ZNF804B: variants seen among roughly 807,000 people sequenced by gnomAD.
ZNF804B encodes zinc finger protein 804B.
A neutral mutation model predicts 101.4 loss-of-function variants in ZNF804B; 80 were observed. The observed-to-expected ratio is 0.79, with a 90% confidence interval of 0.66 to 0.95. The LOEUF is 0.95. Among genes scored for constraint, ZNF804B ranks in the 40% least tolerant of loss-of-function variants. The probability of loss-of-function intolerance (pLI) is 0.00; values close to 1 mark genes in which losing one functional copy is unlikely to be tolerated. For synonymous variants in ZNF804B, 622 were observed against 558.8 expected, an observed-to-expected ratio of 1.11 and a Z score of -1.59; for missense variants, 1,673 against 1,561.9, an observed-to-expected ratio of 1.07 and a Z score of -1.20.
In ZNF804B at chr7:88,910,780, C is replaced by A. The variant is rs189225388; in HGVS notation, c.108+150696C>A. 6.6e-5 allele frequency among the ~76,000 whole-genome samples: 10 copies of A among 151,888 alleles called. No individual in the cohort carries two copies. The East Asian group carries it at 1.7e-3, about 26-fold the overall frequency. On this transcript the variant is annotated intron_variant, in intron 1 of 3. Transcript: ENST00000333190. ...TCCAATGCAAGCGTGATTGAAGAAT[C>A]GTAAGGGAAGATGTTCTGCAAAATG...
chr7:88,990,342 A>G (rs1793827640), intron 1 of ZNF804B, among the ~76,000 whole-genome samples: 1 of 151,984 alleles, frequency 6.6e-6, no homozygotes, highest in African/African-American at 2.4e-5. Flanking sequence ...ATCCTTTTCC[A>G]AATTTAGTTT....
chr7:88,791,638 T>TG (rs1458045938), intron 1 of ZNF804B, among the ~76,000 whole-genome samples: 3 of 152,098 alleles, frequency 2.0e-5, no homozygotes, highest in African/African-American at 7.2e-5. Context: ...TATTGCTACT[T>TG]GTACACCCAG....
intron 1 of ZNF804B, among the ~76,000 whole-genome samples, chr7:88,875,099 C>T (rs1272309651): frequency 7.4e-6 from 1 of 134,990 alleles, no homozygotes; most frequent in South Asian, 2.5e-4. Flanking sequence ...TAAAGATGTT[C>T]TTTGAAACCA....
At chr7:89,268,343 G>T (rs573785092) in intron 2 of ZNF804B, among the ~76,000 whole-genome samples, 2 of 152,046 alleles carry the variant, frequency 1.3e-5, no homozygotes, top group East Asian at 1.9e-4. Flanking sequence ...AAAACATCTA[G>T]GGAAGTCAGT....
chr7:88,910,409 A>G (rs1478906056), intron 1 of ZNF804B, among the ~76,000 whole-genome samples: 1 of 151,934 alleles, frequency 6.6e-6, no homozygotes, highest in East Asian at 1.9e-4. Flanking sequence ...GTTCCCTAAG[A>G]AAGGTAATTA....
rs148078165 is a variant in ZNF804B at position 88,958,960 on chromosome 7, G to A, written c.108+198876G>A. ...CTCCGAAAGTGGAATCTTTGTTCCTGTATAGACATGTAGTATTCTTTCAAG... is the reference window on the plus strand; with the variant it reads ...CTCCGAAAGTGGAATCTTTGTTCCTATATAGACATGTAGTATTCTTTCAAG... On this transcript the variant is annotated intron_variant, in intron 1 of 3. Coordinates refer to ENST00000333190, the MANE Select transcript of ZNF804B (RefSeq NM_181646.5). Among the ~76,000 whole-genome samples the A allele has an allele frequency of 1.4e-3, 214 of 151,550 alleles. 1 individual carries two copies. The highest frequency in any genetic ancestry group is 2.6e-3 in the Non-Finnish European group (177 of 67,630).
chr7:89,117,193 T>C (rs1266803684), intron 1 of ZNF804B, among the ~76,000 whole-genome samples: 1 of 152,210 alleles, frequency 6.6e-6, no homozygotes, highest in Non-Finnish European at 1.5e-5. Flanking sequence ...AAGTCAATTT[T>C]GGCCAAGTGA....
chr7:89,202,270 A>G (rs1387107064), intron 1 of ZNF804B, among the ~76,000 whole-genome samples: 1 of 152,034 alleles, frequency 6.6e-6, no homozygotes, highest in African/African-American at 2.4e-5. Context: ...CATCCCTCCT[A>G]TATCAGAGAA....
At chr7:89,157,989 G>T (rs6973316) in intron 1 of ZNF804B, among the ~76,000 whole-genome samples, 31,059 of 152,062 alleles carry the variant, frequency 0.2, 3,384 homozygotes, top group Middle Eastern at 0.39. Flanking sequence ...TTATTGTAAA[G>T]TAATAGCCTA....
chr7:89,114,014 A>G (rs1358590221), intron 1 of ZNF804B, among the ~76,000 whole-genome samples: 1 of 152,172 alleles, frequency 6.6e-6, no homozygotes, highest in Non-Finnish European at 1.5e-5. Context: ...AAACTGGACA[A>G]GACACTTTTC....
chr7:89,110,483 T>G (rs1790200733), intron 1 of ZNF804B, among the ~76,000 whole-genome samples: 1 of 152,130 alleles, frequency 6.6e-6, no homozygotes, highest in Non-Finnish European at 1.5e-5. Context: ...ACAAAGGGAG[T>G]GTCAGCATGA....
rs149098876 is a variant in ZNF804B at position 89,030,006 on chromosome 7, T to C, written c.109-188149T>C. Among the ~76,000 whole-genome samples the C allele has an allele frequency of 3.7e-3, 564 of 152,292 alleles. 4 individuals carry two copies. The highest frequency in any genetic ancestry group is 0.013 in the African/African-American group (528 of 41,570). On this transcript the variant is annotated intron_variant, in intron 1 of 3. Coordinates refer to ENST00000333190, the MANE Select transcript of ZNF804B (RefSeq NM_181646.5). ...TAAATATATCAGGGTTGTGGTTACGTTACCAGCTGCAAGCATTAGTCATGA... is the reference window on the plus strand; with the variant it reads ...TAAATATATCAGGGTTGTGGTTACGCTACCAGCTGCAAGCATTAGTCATGA...
At chr7:88,903,016 C>T in intron 1 of ZNF804B, among the ~76,000 whole-genome samples, 1 of 151,882 alleles carries the variant, frequency 6.6e-6, no homozygotes, top group Admixed American at 6.6e-5. Context: ...TTGCATGATG[C>T]TGAGGTTTAA....
intron 1 of ZNF804B, among the ~76,000 whole-genome samples, chr7:89,053,494 C>T (rs981524076): frequency 9.9e-5 from 15 of 152,064 alleles, no homozygotes; most frequent in African/African-American, 3.4e-4. Flanking sequence ...ATAATATCAA[C>T]ATTAAAAGTA....
rs1336996797 is a variant in ZNF804B at position 88,831,891 on chromosome 7, T to C, written c.108+71807T>C. ...TTTGTCTCCATGTTGCCTTTTAAAA[T>C]TTTGTTTCTGCTCTTTTTGTTCTAT... On this transcript the variant is annotated intron_variant, in intron 1 of 3. Transcript: ENST00000333190. Among the ~76,000 whole-genome samples, 3 of 151,960 alleles carry C rather than the reference T, an allele frequency of 2.0e-5. No homozygotes were observed. In the East Asian group the frequency reaches 5.8e-4, roughly 29 times the overall value.
intron 1 of ZNF804B, among the ~76,000 whole-genome samples, chr7:89,161,541 C>T (rs1343431958): frequency 6.6e-6 from 1 of 151,766 alleles, no homozygotes. Context: ...AGGTAATGTT[C>T]TGTTGGCTTC....
chr7:88,972,470 G>A (rs552227122), intron 1 of ZNF804B, among the ~76,000 whole-genome samples: 1 of 151,240 alleles, frequency 6.6e-6, no homozygotes, highest in Non-Finnish European at 1.5e-5. Flanking sequence ...TCCCTGCCAG[G>A]TTCCAACATA....
At chr7:89,253,819 A>G (rs993778105) in intron 2 of ZNF804B, among the ~76,000 whole-genome samples, 2 of 152,154 alleles carry the variant, frequency 1.3e-5, no homozygotes. Context: ...AAATAAAAAT[A>G]TATAGGTATA....
chr7:89,106,655 G>T (rs192914762), intron 1 of ZNF804B, among the ~76,000 whole-genome samples: 2 of 152,194 alleles, frequency 1.3e-5, no homozygotes, highest in Non-Finnish European at 2.9e-5. Context: ...GAACTAGAAG[G>T]TAGGAAGACA....
Sources: allele counts gnomAD v4.1 joint callset (sites outside exome capture counted in the v4.1 genomes callset), GRCh38; gene constraint gnomAD v4.1.1; transcripts MANE v1.5; gene names NCBI Gene and HGNC (gene_info 2026-07-23, HGNC 2026-07-21).